The following TNR variants were observed in gnomAD, a reference collection of about 807,000 sequenced individuals.
The protein encoded by TNR is tenascin-R.
In TNR, 45 loss-of-function variants were observed where a neutral mutation model predicts 150.4. The ratio of observed to expected loss-of-function variants is 0.30; its 90% CI spans 0.24 to 0.38. The LOEUF is 0.38. Among genes scored for constraint, TNR ranks in the 10% least tolerant of loss-of-function variants. The probability of loss-of-function intolerance (pLI) is 1.00; values close to 1 mark genes in which losing one functional copy is unlikely to be tolerated. For synonymous variants in TNR, 687 were observed against 678.4 expected, an observed-to-expected ratio of 1.01 and a Z score of -0.20; for missense variants, 1,544 against 1,759.1, an observed-to-expected ratio of 0.88 and a Z score of 2.19.
At chr1:175,686,593 A>G (rs1011617957) in intron 1 of TNR, among the ~76,000 whole-genome samples, 1 of 152,176 alleles carries the variant, frequency 6.6e-6, no homozygotes, top group Non-Finnish European at 1.5e-5. Flanking sequence ...CCCATCACCC[A>G]AATAGTAAAT....
intron 1 of TNR, among the ~76,000 whole-genome samples, chr1:175,624,685 T>C (rs1296662487): frequency 6.6e-6 from 1 of 152,016 alleles, no homozygotes; most frequent in African/African-American, 2.4e-5. Flanking sequence ...TGTCAGACAA[T>C]ATAATTTCTG....
intron 1 of TNR, among the ~76,000 whole-genome samples, chr1:175,559,894 T>A (rs1027971925): frequency 4.6e-5 from 7 of 152,232 alleles, no homozygotes; most frequent in African/African-American, 1.7e-4. Flanking sequence ...GGCAACCTTC[T>A]GAGATGACTC....
At chr1:175,586,417 C>A (rs1662573200) in intron 1 of TNR, among the ~76,000 whole-genome samples, 1 of 152,194 alleles carries the variant, frequency 6.6e-6, no homozygotes, top group South Asian at 2.1e-4. Context: ...TCTCCTGCCT[C>A]AGTTTCCTGA....
intron 1 of TNR, among the ~76,000 whole-genome samples, chr1:175,704,837 G>C (rs1666803036): frequency 6.6e-6 from 1 of 152,198 alleles, no homozygotes; most frequent in African/African-American, 2.4e-5. Context: ...TTCAGATGAT[G>C]TGTGCCTTCA....
At chr1:175,724,007 T>C (rs1224928773) in intron 1 of TNR, among the ~76,000 whole-genome samples, 1 of 152,194 alleles carries the variant, frequency 6.6e-6, no homozygotes, top group Non-Finnish European at 1.5e-5. Flanking sequence ...AAAATTGATA[T>C]TGGATATATA....
At chr1:175,538,700 A>C (rs930272937) in intron 1 of TNR, 3 of 152,192 alleles carry the variant, frequency 2.0e-5, no homozygotes, top group South Asian at 2.1e-4. Flanking sequence ...ATGCCTTCTG[A>C]CAGCATTTTG....
chr1:175,656,966 G>C (rs145515491), intron 1 of TNR, among the ~76,000 whole-genome samples: 20 of 152,318 alleles, frequency 1.3e-4, no homozygotes, highest in African/African-American at 4.3e-4. Context: ...GAGTGCAACA[G>C]TGAGACAGAA....
chr1:175,334,374 C>A (rs1284600653), intron 20 of TNR, among the ~76,000 whole-genome samples: 1 of 152,178 alleles, frequency 6.6e-6, no homozygotes, highest in Admixed American at 6.5e-5. Context: ...ACTGAAACTA[C>A]CTTTGCAAGA....
At chr1:175,450,863 A>G (rs1347102090) in intron 2 of TNR, among the ~76,000 whole-genome samples, 1 of 152,160 alleles carries the variant, frequency 6.6e-6, no homozygotes, top group African/African-American at 2.4e-5. Flanking sequence ...GCATCCATCT[A>G]TCTGTGACAT....
chr1:175,355,528 T>C lies in TNR; in HGVS notation c.3224A>G (p.Tyr1075Cys). ...CTTGCGGCTTCCATCGGTGGATTTG[T>C]AGGTCAAGACATAATTTTCAATCTC... ...RAEIENYVLT[Y>C]KSTDGSRKEL... is the part of the protein sequence containing the mutation. The change falls in exon 17 of 23, where the codon TAC becomes TGC. Residue 1075 changes from tyrosine (Y) to cysteine (C), a missense_variant. Physicochemically the swap from Tyr to Cys is radical, Grantham distance 194 (BLOSUM62 -2). This residue lies in a region of TNR where 290 missense variants were observed against 429.7 expected (regional missense o/e 0.67). Transcript: ENST00000367674. The C allele has an allele frequency of 6.2e-7, 1 of 1,614,060 alleles. No individual in the cohort carries two copies. The highest frequency in any genetic ancestry group is 8.5e-7 in the Non-Finnish European group (1 of 1,179,922).
chr1:175,674,610 C>G (rs950055270), intron 1 of TNR, among the ~76,000 whole-genome samples: 2 of 152,108 alleles, frequency 1.3e-5, no homozygotes, highest in Non-Finnish European at 2.9e-5. Flanking sequence ...GGTGGCCAAC[C>G]AACCCCTTTG....
chr1:175,700,726 C>T (rs1666668626), intron 1 of TNR, among the ~76,000 whole-genome samples: 1 of 152,076 alleles, frequency 6.6e-6, no homozygotes, highest in South Asian at 2.1e-4. Flanking sequence ...AATCAGGGGC[C>T]CTCTTGGGTC....
Position 175,360,537 on chromosome 1 carries a change from T to C in TNR, c.2855-806A>G, listed in dbSNP as rs547618127. 1.3e-3 allele frequency among the ~76,000 whole-genome samples: 200 copies of C among 152,378 alleles called. 1 individual carries two copies. Among genetic ancestry groups the C allele is most frequent in the South Asian group, 5.8e-3 (28 of 4,830 alleles). ...ACTGTGCTTCTCTTCCATCAGGTTA[T>C]AATTTATCACAAGTGGATGTTATTA... On this transcript the variant is annotated intron_variant, in intron 14 of 22. Transcript: ENST00000367674.
At chr1:175,363,668 C>T in intron 13 of TNR, 40 bp downstream of exon 13, 1 of 1,602,446 alleles carries the variant, frequency 6.2e-7, no homozygotes, top group African/African-American at 1.3e-5. Context: ...AATCTTCACC[C>T]AAATCCTAGT....
chr1:175,575,122 A>G (rs1476222586), intron 1 of TNR, among the ~76,000 whole-genome samples: 1 of 152,178 alleles, frequency 6.6e-6, no homozygotes, highest in Non-Finnish European at 1.5e-5. Context: ...GTGGAGGTAC[A>G]CCATGTCACT....
intron 18 of TNR, among the ~76,000 whole-genome samples, chr1:175,346,593 G>A (rs372965965): frequency 4.0e-4 from 61 of 152,076 alleles, no homozygotes; most frequent in African/African-American, 1.5e-3. Flanking sequence ...AGGGAAAATA[G>A]CTACAGATGC....
chr1:175,489,724 G>A (rs1269779895), intron 2 of TNR, among the ~76,000 whole-genome samples: 1 of 152,148 alleles, frequency 6.6e-6, no homozygotes, highest in Non-Finnish European at 1.5e-5. Flanking sequence ...GCCATTCAGA[G>A]TCTGATATTT....
Position 175,553,895 on chromosome 1 carries a change from A to G in TNR, c.-164-25526T>C, listed in dbSNP as rs148588926. 6.4e-3 allele frequency among the ~76,000 whole-genome samples: 979 copies of G among 152,040 alleles called. 13 individuals are homozygous for G. The highest frequency in any genetic ancestry group is 0.022 in the African/African-American group (902 of 41,482). On this transcript the variant is annotated intron_variant, in intron 1 of 22. Transcript: ENST00000367674. The stretch of plus-strand genomic sequence containing the variant: ...GAAAAACAGGATTCAAAATGCACCA[A>G]TGGAAATACTGTCATTCTGTGGGCA...
At chr1:175,410,456 C>G (rs1309830415) in intron 2 of TNR, among the ~76,000 whole-genome samples, 2 of 152,192 alleles carry the variant, frequency 1.3e-5, no homozygotes, top group Non-Finnish European at 2.9e-5. Context: ...CCATGGCTAA[C>G]AAATACATCA....
Sources: allele counts gnomAD v4.1 joint callset (sites outside exome capture counted in the v4.1 genomes callset), GRCh38; gene constraint gnomAD v4.1.1; regional missense constraint gnomAD v4.1.1; transcripts MANE v1.5; gene names NCBI Gene and HGNC (gene_info 2026-07-23, HGNC 2026-07-21).